The following TCF7L2 variants were observed in gnomAD, a reference collection of about 807,000 sequenced individuals.
TCF7L2 encodes transcription factor 7 like 2, also known as transcription factor 7-like 2.
TCF7L2 carries 23 observed loss-of-function variants against 77.9 expected under a neutral mutation model. The observed-to-expected ratio is 0.30, with a 90% CI of 0.21 to 0.42. The LOEUF is 0.42. TCF7L2 is among the 10% of genes least tolerant of loss of function. The pLI, the probability that TCF7L2 is intolerant of heterozygous loss-of-function variation, is 1.00. For missense variants in TCF7L2, 654 were observed against 793.1 expected (o/e 0.82, Z 2.11); for synonymous variants, 413 against 340.2 (o/e 1.21, Z -2.36).
intron 5 of TCF7L2, among the ~76,000 whole-genome samples, chr10:113,138,436 C>G (rs1412490153): frequency 6.6e-6 from 1 of 152,096 alleles, no homozygotes; most frequent in African/African-American, 2.4e-5. Context: ...AAATCTCACA[C>G]TCAGTTAACT....
intron 4 of TCF7L2, among the ~76,000 whole-genome samples, chr10:112,973,511 C>T (rs1300435501): frequency 6.6e-6 from 1 of 152,162 alleles, no homozygotes; most frequent in Non-Finnish European, 1.5e-5. Context: ...GCTACCACTT[C>T]CCCACACTGG....
intron 4 of TCF7L2, among the ~76,000 whole-genome samples, chr10:112,997,310 G>C (rs1368077103): frequency 6.6e-6 from 1 of 152,210 alleles, no homozygotes; most frequent in Non-Finnish European, 1.5e-5. Context: ...GAAAAAGTTT[G>C]CTTGTCTTGA....
intron 5 of TCF7L2, among the ~76,000 whole-genome samples, chr10:113,078,552 A>AT (rs1476713120): frequency 2.6e-5 from 4 of 151,744 alleles, no homozygotes; most frequent in Admixed American, 1.3e-4. Context: ...TCTTTAAAAA[A>AT]TTTTTTTTGC....
intron 5 of TCF7L2, among the ~76,000 whole-genome samples, chr10:113,118,734 G>A (rs868206800): frequency 6.7e-6 from 1 of 149,488 alleles, no homozygotes; most frequent in Non-Finnish European, 1.5e-5. Context: ...AGTAAGTGTG[G>A]TCCAGGCTGC....
chr10:113,002,977 T>C (rs2044763152), intron 4 of TCF7L2, among the ~76,000 whole-genome samples: 1 of 152,158 alleles, frequency 6.6e-6, no homozygotes, highest in African/African-American at 2.4e-5. Context: ...TGTGCGTGTA[T>C]GCACACAAAA....
At chr10:113,158,585 G>T in intron 12 of TCF7L2, 82 bp from the exon 13 acceptor site, 1 of 1,372,234 alleles carries the variant, frequency 7.3e-7, no homozygotes, top group Non-Finnish European at 1.0e-6. Context: ...AATCTCAGAG[G>T]TCCCTTGGAG....
rs1164292367 is a variant in TCF7L2 at position 113,165,711 on chromosome 10, T to A, written c.1548T>A (p.Pro516=). Residue 516 remains proline (P), a synonymous_variant, in exon 14 of 14, where the codon CCT becomes CCA. Coordinates refer to ENST00000627217, the MANE Select transcript of TCF7L2 (RefSeq NM_001146274.2). Reference sequence around the variant, plus strand: ...AGTCACAGACTGAGCAGACCCAGCCTCTGTCGCTGTCCCTGAAGCCCGACC... The same window carrying A: ...AGTCACAGACTGAGCAGACCCAGCCACTGTCGCTGTCCCTGAAGCCCGACC... The A allele has an allele frequency of 6.8e-7, 1 of 1,476,832 alleles. No homozygotes were observed. Among genetic ancestry groups the A allele is most frequent in the African/African-American group, 1.7e-5 (1 of 60,122 alleles). The allele number at this position is 1,476,832 out of a possible 1,614,324, so 91.5% of individuals were successfully genotyped here.
At chr10:113,021,920 A>G (rs1172784834) in intron 4 of TCF7L2, among the ~76,000 whole-genome samples, 1 of 152,166 alleles carries the variant, frequency 6.6e-6, no homozygotes. Flanking sequence ...CCTTGTTTTT[A>G]TGCCTTGCGC....
In TCF7L2 at chr10:113,059,038, G is replaced by A. The variant is rs117561711; in HGVS notation, c.552+18912G>A. On this transcript the variant is annotated intron_variant, in intron 5 of 13. Coordinates refer to ENST00000627217, the MANE Select transcript of TCF7L2 (RefSeq NM_001146274.2). Reference sequence around the variant, plus strand: ...GCCCCCCATGCCCCAAAAGGTGGGAGTGGGGGATAAAAAGAGTAGGAAAGT... The same window carrying A: ...GCCCCCCATGCCCCAAAAGGTGGGAATGGGGGATAAAAAGAGTAGGAAAGT... Among the ~76,000 whole-genome samples the A allele has an allele frequency of 5.9e-3, 905 of 152,298 alleles. 5 individuals carry two copies. The highest frequency in any genetic ancestry group is 9.6e-3 in the Non-Finnish European group (653 of 68,028).
chr10:113,131,077 C>G (rs1223458640), intron 5 of TCF7L2, among the ~76,000 whole-genome samples: 1 of 152,124 alleles, frequency 6.6e-6, no homozygotes, highest in Non-Finnish European at 1.5e-5. Context: ...GAGTGATTAT[C>G]TTTTGCCACA....
At chr10:113,010,635 G>A (rs904510765) in intron 4 of TCF7L2, among the ~76,000 whole-genome samples, 1 of 152,204 alleles carries the variant, frequency 6.6e-6, no homozygotes, top group Non-Finnish European at 1.5e-5. Flanking sequence ...TTATTAATCA[G>A]GGGGACTGTG....
At chr10:113,089,616 C>T in intron 5 of TCF7L2, 1 of 1,554,440 alleles carries the variant, frequency 6.4e-7, no homozygotes, top group Non-Finnish European at 8.7e-7. Context: ...GTTTACCTCT[C>T]TCTAGGGCAG....
At chr10:113,013,524 A>G (rs1426035702) in intron 4 of TCF7L2, among the ~76,000 whole-genome samples, 2 of 152,246 alleles carry the variant, frequency 1.3e-5, no homozygotes, top group East Asian at 3.8e-4. Context: ...TGGCCTAAAA[A>G]GATGGGATAT....
intron 5 of TCF7L2, among the ~76,000 whole-genome samples, chr10:113,059,927 A>C (rs2056150337): frequency 6.6e-6 from 1 of 152,200 alleles, no homozygotes; most frequent in Non-Finnish European, 1.5e-5. Context: ...GTGTGAAGGA[A>C]CAGCAGGGTG....
At chr10:113,111,925 GA>G (rs1207680660) in intron 5 of TCF7L2, among the ~76,000 whole-genome samples, 1 of 152,138 alleles carries the variant, frequency 6.6e-6, no homozygotes, top group Non-Finnish European at 1.5e-5. Context: ...TAGATTATGA[GA>G]AATAGTCACG....
chr10:112,978,247 CCTCT>C (rs995816069), intron 4 of TCF7L2, among the ~76,000 whole-genome samples: 1 of 151,938 alleles, frequency 6.6e-6, no homozygotes, highest in African/African-American at 2.4e-5. Flanking sequence ...TAAAAATCTC[CCTCT>C]CTATTTTTTA....
chr10:113,131,369 T>C (rs1044545180), intron 5 of TCF7L2, among the ~76,000 whole-genome samples: 1 of 152,188 alleles, frequency 6.6e-6, no homozygotes, highest in Non-Finnish European at 1.5e-5. Context: ...TTTCTAGCTG[T>C]GTGCAACTCT....
intron 5 of TCF7L2, among the ~76,000 whole-genome samples, chr10:113,068,798 C>T (rs745898173): frequency 1.4e-4 from 21 of 152,274 alleles, no homozygotes; most frequent in Admixed American, 2.6e-4. Flanking sequence ...TTCTCCATCT[C>T]TCAGCTTCTG....
intron 4 of TCF7L2, among the ~76,000 whole-genome samples, chr10:113,015,404 G>A (rs76154423): frequency 6.6e-6 from 1 of 151,232 alleles, no homozygotes; most frequent in East Asian, 1.9e-4. Context: ...CCTGCCTCGT[G>A]CCAGGTGTGA....
Sources: gnomAD v4.1 joint callset for allele counts (sites outside exome capture counted in the v4.1 genomes callset) on GRCh38, gnomAD v4.1.1 for gene constraint, MANE v1.5 for transcripts, NCBI Gene and HGNC (gene_info 2026-07-23, HGNC 2026-07-21) for gene names.